The following LEKR1 variants were observed in gnomAD, a reference collection of about 807,000 sequenced individuals.
LEKR1 encodes the protein leucine, glutamate and lysine rich 1.
In LEKR1, 59 loss-of-function variants were observed where a neutral mutation model predicts 72.4. That is an observed-to-expected ratio of 0.82 (90% CI 0.66 to 1.01). LEKR1 has a LOEUF of 1.01. LEKR1 is among the 50% of genes least tolerant of loss of function. LEKR1 has a pLI of 0.00. For missense variants in LEKR1, 728 were observed against 759.2 expected (o/e 0.96, Z 0.48); for synonymous variants, 257 against 263.2 (o/e 0.98, Z 0.23).
chr3:156,984,413 A>C (rs993983292), intron 7 of LEKR1, among the ~76,000 whole-genome samples: 4 of 152,204 alleles, frequency 2.6e-5, no homozygotes, highest in African/African-American at 9.6e-5. Context: ...GCAGTGCCTC[A>C]TGCCTGTAAT....
intron 9 of LEKR1, among the ~76,000 whole-genome samples, chr3:156,998,135 A>G (rs1162408384): frequency 6.6e-6 from 1 of 151,612 alleles, no homozygotes; most frequent in Non-Finnish European, 1.5e-5. Context: ...CTCCCATCCT[A>G]CTGGGACACA....
chr3:156,867,703 G>A (rs879385522), intron 3 of LEKR1, among the ~76,000 whole-genome samples: 2 of 151,886 alleles, frequency 1.3e-5, no homozygotes, highest in Non-Finnish European at 2.9e-5. Context: ...TTTGTATTTT[G>A]TGTGTGTGTT....
At chr3:157,041,551 C>T (rs1735342013) in intron 12 of LEKR1, among the ~76,000 whole-genome samples, 1 of 152,106 alleles carries the variant, frequency 6.6e-6, no homozygotes, top group Admixed American at 6.5e-5. Flanking sequence ...CCGTGTGCAC[C>T]TGCCTGAGTC....
intron 9 of LEKR1, among the ~76,000 whole-genome samples, chr3:156,994,517 C>T (rs1284073607): frequency 6.6e-6 from 1 of 152,180 alleles, no homozygotes; most frequent in Non-Finnish European, 1.5e-5. Context: ...AATGTACCCT[C>T]TACTTAACTG....
At chr3:156,872,808 C>G (rs1273966362) in intron 3 of LEKR1, among the ~76,000 whole-genome samples, 1 of 151,850 alleles carries the variant, frequency 6.6e-6, no homozygotes, top group Non-Finnish European at 1.5e-5. Context: ...TGAGATGATA[C>G]TTGATATAAT....
chr3:156,951,791 C>T (rs958860938), intron 6 of LEKR1, among the ~76,000 whole-genome samples: 2 of 151,068 alleles, frequency 1.3e-5, no homozygotes, highest in Admixed American at 6.6e-5. Context: ...TTAACTTTTT[C>T]GAAAAACCTA....
chr3:157,029,323 G>A (rs1031321476), intron 12 of LEKR1, among the ~76,000 whole-genome samples: 1 of 152,040 alleles, frequency 6.6e-6, no homozygotes, highest in South Asian at 2.1e-4. Context: ...ATATGGAGTA[G>A]ATAGAATACT....
intron 12 of LEKR1, among the ~76,000 whole-genome samples, chr3:157,037,236 A>G (rs1254075441): frequency 6.6e-6 from 1 of 152,216 alleles, no homozygotes; most frequent in African/African-American, 2.4e-5. Context: ...TAAAGATCTG[A>G]AAATGGTTAT....
At chr3:156,896,668 A>G (rs1576766556) in intron 3 of LEKR1, among the ~76,000 whole-genome samples, 1 of 152,172 alleles carries the variant, frequency 6.6e-6, no homozygotes, top group Admixed American at 6.5e-5. Context: ...ACTTAGAACT[A>G]CCATTCAAGC....
At chr3:157,020,805 T>G (rs984458370) in intron 10 of LEKR1, among the ~76,000 whole-genome samples, 16 of 152,124 alleles carry the variant, frequency 1.1e-4, no homozygotes, top group Middle Eastern at 3.4e-3. Context: ...GTAATGGGAT[T>G]GCTGGGTCAA....
intron 1 of LEKR1, among the ~76,000 whole-genome samples, chr3:156,828,596 A>C (rs1711960583): frequency 6.6e-6 from 1 of 152,136 alleles, no homozygotes; most frequent in Admixed American, 6.5e-5. Context: ...TTAAAAAAAA[A>C]AACAAAAAAC....
intron 2 of LEKR1, among the ~76,000 whole-genome samples, chr3:156,851,771 T>G (rs1481522886): frequency 6.6e-5 from 10 of 152,150 alleles, no homozygotes; most frequent in Admixed American, 6.5e-4. Flanking sequence ...TTCTATAGTT[T>G]CAAGGGAGGT....
At chr3:156,877,071 T>C (rs1718684870) in intron 3 of LEKR1, among the ~76,000 whole-genome samples, 1 of 152,192 alleles carries the variant, frequency 6.6e-6, no homozygotes, top group South Asian at 2.1e-4. Flanking sequence ...CTGCACCTAT[T>C]GAGATGATCA....
At chr3:156,998,320 A>C (rs1251732452) in intron 9 of LEKR1, among the ~76,000 whole-genome samples, 3 of 152,172 alleles carry the variant, frequency 2.0e-5, no homozygotes, top group Non-Finnish European at 4.4e-5. Context: ...ACAAATGTAC[A>C]AATATATTTT....
chr3:156,846,219 G>A (rs767723660), intron 2 of LEKR1, among the ~76,000 whole-genome samples: 2 of 152,098 alleles, frequency 1.3e-5, no homozygotes, highest in East Asian at 1.9e-4. Context: ...TTTTATTGTC[G>A]ATTTCTTGGG....
At chr3:156,943,765 T>A (rs1726442005) in intron 6 of LEKR1, among the ~76,000 whole-genome samples, 1 of 151,854 alleles carries the variant, frequency 6.6e-6, no homozygotes, top group Non-Finnish European at 1.5e-5. Flanking sequence ...GATGGGAGCA[T>A]ACCACAGACT....
intron 3 of LEKR1, among the ~76,000 whole-genome samples, chr3:156,902,700 A>G (rs116594409): frequency 0.17 from 25,160 of 144,526 alleles, 2,468 homozygotes; most frequent in African/African-American, 0.3. Context: ...TTTTTCCTTC[A>G]CTTAAGGTGA....
intron 3 of LEKR1, among the ~76,000 whole-genome samples, chr3:156,904,419 T>G (rs1400156146): frequency 6.7e-6 from 1 of 148,740 alleles, no homozygotes; most frequent in African/African-American, 2.5e-5. Context: ...AGAATCATGT[T>G]TTTTTTTTTT....
intron 6 of LEKR1, among the ~76,000 whole-genome samples, chr3:156,953,216 AAAGAT>A (rs1727322740): frequency 6.6e-6 from 1 of 151,542 alleles, no homozygotes; most frequent in African/African-American, 2.4e-5. Flanking sequence ...AAAAAAATGA[AAAGAT>A]AATATAGAGC....
Sources: gnomAD v4.1 joint callset for allele counts (sites outside exome capture counted in the v4.1 genomes callset) on GRCh38, gnomAD v4.1.1 for gene constraint, MANE v1.5 for transcripts, NCBI Gene and HGNC (gene_info 2026-07-23, HGNC 2026-07-21) for gene names.